NDUFB2: variants seen among roughly 807,000 people sequenced by gnomAD.
The protein encoded by NDUFB2 is NADH dehydrogenase [ubiquinone] 1 beta subcomplex subunit 2, mitochondrial.
In NDUFB2, 13 loss-of-function variants were observed where a neutral mutation model predicts 13.4. That is an observed-to-expected ratio of 0.97 (90% confidence interval 0.63 to 1.54). The LOEUF is 1.54. NDUFB2 is among the 40% of genes most tolerant of loss of function. The pLI is 0.00. For synonymous variants in NDUFB2, 47 were observed against 50.6 expected (o/e 0.93, Z 0.30); for missense variants, 150 against 139.7 (o/e 1.07, Z -0.37).
At chr7:140,703,038 T>G (rs1794918176) in intron 2 of NDUFB2, 28 bp downstream of exon 2, 1 of 1,606,810 alleles carries the variant, frequency 6.2e-7, no homozygotes, top group Non-Finnish European at 8.5e-7. Flanking sequence ...GCACTTGTCG[T>G]TTTTTGGGTG....
At chr7:140,698,119 C>T in intron 1 of NDUFB2, 1 of 1,351,444 alleles carries the variant, frequency 7.4e-7, no homozygotes, top group South Asian at 1.1e-5. Flanking sequence ...CCTGAAGTCC[C>T]ACATGGATGA....
chr7:140,699,185 A>G (rs1403448872), intron 1 of NDUFB2, among the ~76,000 whole-genome samples: 1 of 152,162 alleles, frequency 6.6e-6, no homozygotes, highest in African/African-American at 2.4e-5. Context: ...AATGTAACTA[A>G]TAGAGTTATG....
At chr7:140,697,311 G>A (rs532893550) in intron 1 of NDUFB2, 2 of 702,798 alleles carry the variant, frequency 2.8e-6, no homozygotes, top group East Asian at 2.7e-5. Flanking sequence ...AATCGGAGAC[G>A]TCACGTGGCC....
intron 1 of NDUFB2, 153 bp downstream of exon 1, chr7:140,696,995 GA>G: frequency 2.9e-6 from 2 of 686,428 alleles, no homozygotes; most frequent in Non-Finnish European, 4.9e-6. Flanking sequence ...GCCGCGACTC[GA>G]GGAGAGGGAC....
chr7:140,705,289 A>G, intron 3 of NDUFB2: 1 of 161,644 alleles, frequency 6.2e-6, no homozygotes. Flanking sequence ...TAGTAGAGGC[A>G]GAGTTTTGCC....
intron 3 of NDUFB2, 41 bp downstream of exon 3, chr7:140,705,004 T>G: frequency 8.9e-7 from 1 of 1,128,588 alleles, no homozygotes; most frequent in Non-Finnish European, 1.2e-6. Context: ...ATTTACCTTT[T>G]TTCATAAACA....
chr7:140,702,645 A>T (rs1373799549), intron 1 of NDUFB2: 2 of 478,240 alleles, frequency 4.2e-6, no homozygotes, highest in East Asian at 6.6e-5. Context: ...CTAATTGAAA[A>T]CCAAAATTAG....
In NDUFB2 at chr7:140,702,915, C is replaced by G; in HGVS notation, c.148C>G (p.Leu50Val). The change falls in exon 2 of 4, where the codon CTG becomes GTG. Residue 50 changes from leucine to valine, a missense_variant. Leu to Val is a conservative substitution (Grantham distance 32). Coordinates refer to ENST00000247866, the MANE Select transcript of NDUFB2 (RefSeq NM_004546.3). The part of the protein sequence containing the change: ...IEPRYRQFPQ[L>V]TRSQVFQSEF... ...GCCCCGGTATAGACAGTTCCCCCAGCTGACCAGATCCCAGGTGTTCCAGAG... is the reference window on the plus strand; with the variant it reads ...GCCCCGGTATAGACAGTTCCCCCAGGTGACCAGATCCCAGGTGTTCCAGAG... 1 of 1,614,148 alleles carries G rather than the reference C, an allele frequency of 6.2e-7. No homozygotes were observed. The highest frequency in any genetic ancestry group is 1.1e-5 in the South Asian group (1 of 91,076).
chr7:140,703,821 T>G (rs1794930055), intron 2 of NDUFB2, among the ~76,000 whole-genome samples: 1 of 152,166 alleles, frequency 6.6e-6, no homozygotes. Flanking sequence ...AGTGGTGCGA[T>G]CTTGGCTCAC....
At position 140,699,808 on chromosome 7, in the gene NDUFB2, A is replaced by T. The variant is rs1244765441; in HGVS notation, c.98+2966A>T. Among the ~76,000 whole-genome samples the T allele has an allele frequency of 2.7e-5, 4 of 145,702 alleles. No homozygotes were observed. The South Asian group carries it at 6.9e-4, about 25-fold the overall frequency. Reference sequence around the variant, plus strand: ...AGTGATGTTTGTAAAAATCTTAAAAATCTCATCTAGCAGCAGAGTTGTTAA... The same window carrying T: ...AGTGATGTTTGTAAAAATCTTAAAATTCTCATCTAGCAGCAGAGTTGTTAA... On this transcript the variant is annotated intron_variant, in intron 1 of 3. Transcript: ENST00000247866.
chr7:140,698,942 G>C (rs1794858058), intron 1 of NDUFB2, among the ~76,000 whole-genome samples: 1 of 152,162 alleles, frequency 6.6e-6, no homozygotes, highest in Non-Finnish European at 1.5e-5. Context: ...CGGATCACCT[G>C]AGGTCAGGAG....
intron 1 of NDUFB2, chr7:140,702,095 A>G (rs940778970): frequency 8.6e-6 from 6 of 694,754 alleles, no homozygotes; most frequent in Non-Finnish European, 1.6e-5. Context: ...TATGGTTTAC[A>G]AGCTGATTCT....
chr7:140,700,534 A>G lies in NDUFB2; in HGVS notation c.99-2332A>G, dbSNP rs2130800341. On this transcript the variant is annotated intron_variant, in intron 1 of 3. Coordinates refer to ENST00000247866, the MANE Select transcript of NDUFB2 (RefSeq NM_004546.3). ...GGGCACAGTGTGGCTCACGCCTATA[A>G]TCCCAGCACTTTGGGAGGTCAGGGC... 2.0e-5 allele frequency among the ~76,000 whole-genome samples: 3 copies of G among 150,296 alleles called. 1 individual carries two copies. The Middle Eastern group carries it at 0.01, about 515-fold the overall frequency.
chr7:140,698,377 T>C lies in NDUFB2; in HGVS notation c.98+1535T>C, dbSNP rs998122186. On this transcript the variant is annotated intron_variant, in intron 1 of 3. Transcript: ENST00000247866. Reference sequence around the variant, plus strand: ...GCTGCTCCTTTCTAGGTGCTGAGGATATAGCAGAATACGAGAGAGAATGAA... The same window carrying C: ...GCTGCTCCTTTCTAGGTGCTGAGGACATAGCAGAATACGAGAGAGAATGAA... 4.8e-6 allele frequency: 6 copies of C among 1,248,784 alleles called. No homozygotes were observed. In the African/African-American group the frequency reaches 9.2e-5, roughly 19 times the overall value. The allele number at this position is 1,248,784 out of a possible 1,614,324, so 77.4% of individuals were successfully genotyped here. A position where few individuals can be genotyped will look rare whatever the true frequency, so the allele number is the denominator to read the frequency against.
intron 1 of NDUFB2, chr7:140,697,198 G>C (rs967880972): frequency 3.1e-6 from 2 of 646,810 alleles, no homozygotes; most frequent in Admixed American, 4.7e-5. Context: ...GGACGCTCCT[G>C]GAGCGAGGCG....
In NDUFB2 at chr7:140,702,885, A is replaced by C. The variant is rs11552186; in HGVS notation, c.118A>C (p.Ile40Leu). ...TTGCAGTGCCGGTGGTGGTGTGCAC[A>C]TTGAGCCCCGGTATAGACAGTTCCC... ...GVRHAGGGVH[I>L]EPRYRQFPQL... The change falls in exon 2 of 4, where the codon ATT becomes CTT. Residue 40 changes from isoleucine to leucine, a missense_variant. By Grantham distance (5) the Ile-to-Leu change is conservative. Transcript: ENST00000247866. 1.1e-5 allele frequency: 18 copies of C among 1,614,078 alleles called. No individual in the cohort carries two copies. The highest frequency in any genetic ancestry group is 1.4e-5 in the Non-Finnish European group (17 of 1,180,032).
chr7:140,702,019 A>G (rs1464742634), intron 1 of NDUFB2: 1 of 702,132 alleles, frequency 1.4e-6, no homozygotes, highest in Non-Finnish European at 2.6e-6. Context: ...TCTGTGCATT[A>G]TGAAGACAAG....
chr7:140,698,430 T>C (rs1170377862), intron 1 of NDUFB2, among the ~76,000 whole-genome samples: 1 of 152,154 alleles, frequency 6.6e-6, no homozygotes, highest in Non-Finnish European at 1.5e-5. Flanking sequence ...GAGAGACCAG[T>C]AGAAAAGAAA....
chr7:140,698,883 C>T (rs956653799), intron 1 of NDUFB2, among the ~76,000 whole-genome samples: 1 of 152,122 alleles, frequency 6.6e-6, no homozygotes, highest in African/African-American at 2.4e-5. Context: ...TTTGTCCAGG[C>T]GCGGTGGCTC....
Sources: gnomAD v4.1 joint callset for allele counts (sites outside exome capture counted in the v4.1 genomes callset) on GRCh38, gnomAD v4.1.1 for gene constraint, MANE v1.5 for transcripts, NCBI Gene and HGNC (gene_info 2026-07-23, HGNC 2026-07-21) for gene names.